Variants in R3HCC1L observed in about 807,000 individuals in gnomAD.
The protein encoded by R3HCC1L is coiled-coil domain-containing protein R3HCC1L.
Under a neutral mutation model 59.9 loss-of-function variants are expected in R3HCC1L, and 51 were observed. That is an observed-to-expected ratio of 0.85 (90% CI 0.68 to 1.07). The LOEUF (loss-of-function observed/expected upper bound fraction) is 1.07. Ranked by LOEUF, R3HCC1L falls within the 50% of genes least tolerant of loss-of-function variation. The pLI, the probability that R3HCC1L is intolerant of heterozygous loss-of-function variation, is 0.00. For synonymous variants in R3HCC1L, 322 were observed against 315.2 expected (o/e 1.02, Z -0.23); for missense variants, 965 against 933.0 (o/e 1.03, Z -0.45).
chr10:98,229,387 GT>G (rs1856080522), intron 5 of R3HCC1L, among the ~76,000 whole-genome samples: 1 of 152,034 alleles, frequency 6.6e-6, no homozygotes, highest in Admixed American at 6.6e-5. Flanking sequence ...CTGTTTGTCT[GT>G]TATTGGTGTG....
Position 98,163,323 on chromosome 10 carries a change from A to G in R3HCC1L, c.-89A>G, listed in dbSNP as rs974931012. ...GCTGCTGTCAGAAAGGAACTTTTAC[A>G]CAGTTTGCCTTCAGAGACAGTCTAT... On this transcript the variant is annotated 5_prime_UTR_variant, in exon 4 of 10. Coordinates refer to ENST00000298999, the MANE Select transcript of R3HCC1L (RefSeq NM_001351015.2). 8.7e-6 allele frequency: 9 copies of G among 1,030,214 alleles called. No homozygotes were observed. Among genetic ancestry groups the G allele is most frequent in the Non-Finnish European group, 1.2e-5 (9 of 767,372 alleles). 63.8% of individuals were successfully genotyped at this position (1,030,214 alleles called of 1,614,324 possible).
chr10:98,212,905 G>A (rs1300148411), intron 5 of R3HCC1L, among the ~76,000 whole-genome samples: 2 of 152,054 alleles, frequency 1.3e-5, no homozygotes, highest in Non-Finnish European at 2.9e-5. Flanking sequence ...CCTTCCCTTG[G>A]TTACAGAAGG....
chr10:98,172,781 G>A (rs1435095192), intron 4 of R3HCC1L, among the ~76,000 whole-genome samples: 1 of 152,182 alleles, frequency 6.6e-6, no homozygotes, highest in African/African-American at 2.4e-5. Context: ...GTCACTGCCA[G>A]CCTAGTATGT....
At chr10:98,166,321 T>C (rs1847942837) in intron 4 of R3HCC1L, among the ~76,000 whole-genome samples, 1 of 152,254 alleles carries the variant, frequency 6.6e-6, no homozygotes, top group East Asian at 1.9e-4. Flanking sequence ...CTTGGACTTC[T>C]AGCTATTAGA....
At chr10:98,169,066 T>C (rs1201557107) in intron 4 of R3HCC1L, among the ~76,000 whole-genome samples, 1 of 152,212 alleles carries the variant, frequency 6.6e-6, no homozygotes, top group East Asian at 1.9e-4. Context: ...CAGTGAATTA[T>C]TGTCAGCCTT....
chr10:98,142,366 C>CT (rs1226839887), intron 1 of R3HCC1L, among the ~76,000 whole-genome samples: 2 of 152,000 alleles, frequency 1.3e-5, no homozygotes, highest in African/African-American at 4.8e-5. Context: ...TCTTTCTTTT[C>CT]TTTTTTTGTA....
chr10:98,206,921 G>A (rs1206415055), intron 4 of R3HCC1L, among the ~76,000 whole-genome samples: 2 of 152,154 alleles, frequency 1.3e-5, no homozygotes, highest in African/African-American at 4.8e-5. Flanking sequence ...AAAGAGAAAA[G>A]GAACAAGATA....
chr10:98,189,722 G>A (rs959027221), intron 4 of R3HCC1L, among the ~76,000 whole-genome samples: 2 of 152,126 alleles, frequency 1.3e-5, no homozygotes, highest in South Asian at 2.1e-4. Flanking sequence ...GTGCATTTAC[G>A]GAAGGATGCA....
chr10:98,237,951 G>A, intron 9 of R3HCC1L, among the ~76,000 whole-genome samples: 1 of 152,104 alleles, frequency 6.6e-6, no homozygotes, highest in East Asian at 1.9e-4. Flanking sequence ...TTTACTGTCT[G>A]TGTGACCTTG....
Position 98,209,722 on chromosome 10 carries a change from A to G in R3HCC1L, c.1608A>G (p.Ser536=), listed in dbSNP as rs749770683. 3 of 1,613,530 alleles carry G rather than the reference A, an allele frequency of 1.9e-6. No homozygotes were observed. Among genetic ancestry groups the G allele is most frequent in the Non-Finnish European group, 2.5e-6 (3 of 1,179,600 alleles). ...EEFKTEEQDD[S]GSIEFGVSFP... is the part of the protein sequence containing the mutation. The stretch of plus-strand genomic sequence containing the variant: ...TCAAAACAGAAGAGCAAGATGACTC[A>G]GGGAGTATAGAATTTGGTGTATCTT... The change falls in exon 5 of 10, where the codon TCA becomes TCG. Residue 536 remains serine (S), a synonymous_variant. Coordinates refer to ENST00000298999, the MANE Select transcript of R3HCC1L (RefSeq NM_001351015.2).
intron 1 of R3HCC1L, among the ~76,000 whole-genome samples, chr10:98,142,497 G>A (rs1845245946): frequency 6.6e-6 from 1 of 152,042 alleles, no homozygotes; most frequent in South Asian, 2.1e-4. Flanking sequence ...AATTAGCTGG[G>A]CATGGTGGCA....
intron 1 of R3HCC1L, among the ~76,000 whole-genome samples, chr10:98,147,130 G>T (rs899720719): frequency 5.9e-5 from 9 of 152,048 alleles, no homozygotes; most frequent in Non-Finnish European, 4.4e-5. Flanking sequence ...ATCTCATTGT[G>T]GTTTTTGATT....
intron 4 of R3HCC1L, among the ~76,000 whole-genome samples, chr10:98,163,943 T>G (rs1355732781): frequency 6.6e-6 from 1 of 152,226 alleles, no homozygotes; most frequent in Non-Finnish European, 1.5e-5. Flanking sequence ...TAAAAAAATT[T>G]TTTTTTCAAG....
intron 2 of R3HCC1L, among the ~76,000 whole-genome samples, chr10:98,161,338 T>C (rs1400881953): frequency 6.6e-6 from 1 of 152,206 alleles, no homozygotes; most frequent in East Asian, 1.9e-4. Flanking sequence ...GTGTGAAATA[T>C]ATCTTCATTT....
At chr10:98,212,686 C>T (rs1853720570) in intron 5 of R3HCC1L, among the ~76,000 whole-genome samples, 1 of 152,082 alleles carries the variant, frequency 6.6e-6, no homozygotes, top group Admixed American at 6.5e-5. Flanking sequence ...AGTTATTTTT[C>T]ATTAGAAAAT....
chr10:98,216,698 G>A (rs113871997), intron 5 of R3HCC1L, among the ~76,000 whole-genome samples: 2 of 152,040 alleles, frequency 1.3e-5, no homozygotes, highest in African/African-American at 4.8e-5. Flanking sequence ...TCACCCTCCC[G>A]AGTAGCTGGG....
chr10:98,157,512 A>G (rs543012018), intron 2 of R3HCC1L, among the ~76,000 whole-genome samples: 25 of 152,280 alleles, frequency 1.6e-4, no homozygotes, highest in Admixed American at 1.6e-3. Context: ...CCCTCCCGGC[A>G]TTTCACTTCC....
chr10:98,221,206 G>A (rs1040431048), intron 5 of R3HCC1L, among the ~76,000 whole-genome samples: 7 of 151,822 alleles, frequency 4.6e-5, no homozygotes, highest in Admixed American at 2.6e-4. Flanking sequence ...CATGTCCTTC[G>A]CCCACTTGTT....
intron 5 of R3HCC1L, among the ~76,000 whole-genome samples, chr10:98,217,292 G>A (rs1040807937): frequency 6.6e-6 from 1 of 152,106 alleles, no homozygotes; most frequent in Non-Finnish European, 1.5e-5. Flanking sequence ...TTTCCTCAGT[G>A]TTCTTGGTGC....
Sources: allele counts gnomAD v4.1 joint callset (sites outside exome capture counted in the v4.1 genomes callset), GRCh38; gene constraint gnomAD v4.1.1; transcripts MANE v1.5; gene names NCBI Gene and HGNC (gene_info 2026-07-23, HGNC 2026-07-21).